POLQ: variants seen among roughly 807,000 people sequenced by gnomAD.
The protein encoded by POLQ is DNA polymerase theta, also known as epididymis secretory sperm binding protein.
A neutral mutation model predicts 259.2 loss-of-function variants in POLQ; 233 were observed. That is an observed-to-expected ratio of 0.90 (90% CI 0.81 to 1.00). The LOEUF (loss-of-function observed/expected upper bound fraction) is 1.00, where lower values mean the gene tolerates loss of function less well. POLQ is among the 50% of genes least tolerant of loss of function. The probability of loss-of-function intolerance (pLI) is 0.00; values close to 1 mark genes in which losing one functional copy is unlikely to be tolerated. For synonymous variants in POLQ, 1,025 were observed against 1,048.8 expected (o/e 0.98, Z 0.44); for missense variants, 2,871 against 3,051.6 (o/e 0.94, Z 1.39).
At position 121,545,778 on chromosome 3, in the gene POLQ, G is replaced by A. The variant is rs913615288; in HGVS notation, c.100C>T (p.Leu34Phe). The change falls in exon 1 of 30, where the codon CTC becomes TTC. Residue 34 changes from leucine (L) to phenylalanine (F), a missense_variant. Around this residue, in one of 3 missense-constraint regions of POLQ, gnomAD observed 783 missense variants for 906.2 expected, o/e 0.86. Transcript: ENST00000264233. Reference protein sequence around the residue: ...GGDSSASPQFLSGSVLSPPPG... With the variant: ...GGDSSASPQFFSGSVLSPPPG... ...GGCGGGCTCAGCACGGACCCGGAGA[G>A]GAACTGGGGGCTGGCACTGCTGTCA... 5.0e-6 allele frequency: 8 copies of A among 1,609,240 alleles called. No homozygotes were observed. The Admixed American group carries it at 5.0e-5, about 10-fold the overall frequency.
intron 19 of POLQ, among the ~76,000 whole-genome samples, chr3:121,480,464 A>T (rs2047961532): frequency 6.6e-6 from 1 of 152,102 alleles, no homozygotes; most frequent in South Asian, 2.1e-4. Flanking sequence ...TTAACACTGT[A>T]AAAAATGCAT....
At chr3:121,485,001 A>G in intron 17 of POLQ, 40 bp downstream of exon 17, 1 of 1,458,832 alleles carries the variant, frequency 6.9e-7, no homozygotes, top group South Asian at 1.3e-5. Context: ...TGGATGTTAC[A>G]GTAATTACAT....
intron 18 of POLQ, among the ~76,000 whole-genome samples, chr3:121,483,142 A>T (rs1019838976): frequency 3.9e-5 from 6 of 152,198 alleles, no homozygotes; most frequent in Non-Finnish European, 7.4e-5. Context: ...AAAATTTTTT[A>T]AAAATCTCTG....
intron 12 of POLQ, among the ~76,000 whole-genome samples, chr3:121,503,591 A>G (rs896189512): frequency 6.6e-6 from 1 of 152,170 alleles, no homozygotes; most frequent in African/African-American, 2.4e-5. Context: ...ATAGAACTCC[A>G]CCAAACCATA....
rs760061881 is a variant in POLQ, at chr3:121,487,592, A to G, written c.5339T>C (p.Ile1780Thr). The change falls in exon 16 of 30, where the codon ATT becomes ACT. Residue 1780 changes from isoleucine (I) to threonine (T), a missense_variant. Physicochemically the swap from Ile to Thr is moderately conservative, Grantham distance 89. This residue lies in a region of POLQ where 2,080 missense variants were observed against 2,126.0 expected (regional missense o/e 0.98). Coordinates refer to ENST00000264233, the MANE Select transcript of POLQ (RefSeq NM_199420.4). ...ESYLFGSPSDIKNHDLSPGSR... is the reference protein window; with the variant it reads ...ESYLFGSPSDTKNHDLSPGSR... ...CCCTGGACTTAAATCGTGGTTTTTA[A>G]TATCTGAAGGTGAGCCAAATAAATA... 11 of 1,613,946 alleles carry G rather than the reference A, an allele frequency of 6.8e-6. No individual in the cohort carries two copies. Among genetic ancestry groups the G allele is most frequent in the Non-Finnish European group, 8.5e-6 (10 of 1,179,990 alleles).
At chr3:121,443,633 T>C (rs1576398233) in intron 26 of POLQ, among the ~76,000 whole-genome samples, 1 of 152,338 alleles carries the variant, frequency 6.6e-6, no homozygotes, top group East Asian at 1.9e-4. Flanking sequence ...TTTGCTGTGG[T>C]TGCCTGCGCT....
intron 15 of POLQ, among the ~76,000 whole-genome samples, chr3:121,491,346 C>CAAAAAAAAAA (rs3045625): frequency 9.9e-4 from 77 of 77,974 alleles, no homozygotes; most frequent in African/African-American, 1.1e-3. Flanking sequence ...GAGACTGTCA[C>CAAAAAAAAAA]AAAAAAAAAA....
At chr3:121,462,291 G>C (rs1469437857) in intron 24 of POLQ, among the ~76,000 whole-genome samples, 1 of 152,104 alleles carries the variant, frequency 6.6e-6, no homozygotes, top group Non-Finnish European at 1.5e-5. Flanking sequence ...TCAGATGTTA[G>C]ACAACAAGCC....
chr3:121,481,384 T>G (rs2047968789), intron 19 of POLQ, among the ~76,000 whole-genome samples, 188 bp downstream of exon 19: 1 of 152,228 alleles, frequency 6.6e-6, no homozygotes, highest in Admixed American at 6.5e-5. Context: ...GAGTTGAGTA[T>G]TTGTGATAGA....
chr3:121,497,151 G>A (rs559068631), intron 13 of POLQ, among the ~76,000 whole-genome samples: 25 of 152,328 alleles, frequency 1.6e-4, no homozygotes, highest in African/African-American at 5.8e-4. Context: ...AAGAACTAAT[G>A]TCTGTATAAC....
In POLQ at chr3:121,533,080, T is replaced by C; in HGVS notation, c.870A>G (p.Val290=). ...CAACTTTTACTGACTCCAAAAGCGG[T>C]ACAGGGCGAAAGTCGGTATGGTAGA... The part of the protein sequence containing the change: ...AELYHTDFRP[V]PLLESVKVGN... The change falls in exon 6 of 30, where the codon GTA becomes GTG. Residue 290 remains valine (V), a synonymous_variant. Transcript: ENST00000264233. The C allele has an allele frequency of 6.2e-7, 1 of 1,614,004 alleles. No homozygotes were observed.
At position 121,469,621 on chromosome 3, in the gene POLQ, T is replaced by C. The variant is rs552425907; in HGVS notation, c.6719-1190A>G. On this transcript the variant is annotated intron_variant, in intron 22 of 29. Coordinates refer to ENST00000264233, the MANE Select transcript of POLQ (RefSeq NM_199420.4). ...AACAGCAGAGGAAGGCATCCAAGGC[T>C]CTTTTTACATCAACACATTGTCTTC... 5.9e-5 allele frequency among the ~76,000 whole-genome samples: 9 copies of C among 152,326 alleles called. No individual in the cohort carries two copies. The South Asian group carries it at 1.9e-3, about 32-fold the overall frequency.
intron 26 of POLQ, among the ~76,000 whole-genome samples, chr3:121,447,665 G>C (rs2047642863): frequency 6.6e-6 from 1 of 152,072 alleles, no homozygotes; most frequent in South Asian, 2.1e-4. Flanking sequence ...TAGGTTATTT[G>C]TTATTGCTCA....
At chr3:121,485,879 TCAGA>T (rs1297578978) in intron 16 of POLQ, among the ~76,000 whole-genome samples, 1 of 152,160 alleles carries the variant, frequency 6.6e-6, no homozygotes. Context: ...GAATTGAAAA[TCAGA>T]CAAATACTCA....
chr3:121,494,429 C>A lies in POLQ; in HGVS notation c.2279-708G>T, dbSNP rs931889489. 5 of 1,546,822 alleles carry A rather than the reference C, an allele frequency of 3.2e-6. No individual in the cohort carries two copies. The African/African-American group carries it at 6.8e-5, about 21-fold the overall frequency. ...CCACAAGTACAGACCAGAGTCAAGG[C>A]AAGAGAAGAAGCAGAGGCTGTTGGC... On this transcript the variant is annotated intron_variant, in intron 14 of 29. Coordinates refer to ENST00000264233, the MANE Select transcript of POLQ (RefSeq NM_199420.4).
chr3:121,544,587 T>C, intron 2 of POLQ, 140 bp downstream of exon 2: 1 of 570,814 alleles, frequency 1.8e-6, no homozygotes, highest in East Asian at 3.0e-5. Context: ...AAAACTCCAC[T>C]TTTCACACAT....
chr3:121,511,959 C>A lies in POLQ; in HGVS notation c.1539G>T (p.Lys513Asn), dbSNP rs563561418. Residue 513 changes from lysine to asparagine, a missense_variant, in exon 10 of 30, where the codon AAG becomes AAT. Lys to Asn is a moderately conservative substitution (Grantham distance 94, BLOSUM62 0). Coordinates refer to ENST00000264233, the MANE Select transcript of POLQ (RefSeq NM_199420.4). ...KGIALLQGSL[K>N]PVRSCLQRRE... ...GTCTTTGCAGACAGCTGCGAACAGG[C>A]TTTAGAGAACCCTGAAGGAGAGCTA... 366 of 1,613,470 alleles carry A rather than the reference C, an allele frequency of 2.3e-4. 5 individuals carry two copies. In the South Asian group the frequency reaches 3.8e-3, roughly 17 times the overall value.
At chr3:121,519,665 G>C (rs1303160788) in intron 9 of POLQ, among the ~76,000 whole-genome samples, 12 of 128,046 alleles carry the variant, frequency 9.4e-5, no homozygotes, top group Non-Finnish European at 1.4e-4. Flanking sequence ...GACAGAGCGA[G>C]ACTCCGTCTC....
intron 25 of POLQ, among the ~76,000 whole-genome samples, chr3:121,452,004 G>A (rs953993925): frequency 6.6e-6 from 1 of 151,106 alleles, no homozygotes; most frequent in Non-Finnish European, 1.5e-5. Context: ...CCCTCCCCCA[G>A]CCTTGCTGCT....
Sources: allele counts gnomAD v4.1 joint callset (sites outside exome capture counted in the v4.1 genomes callset), GRCh38; gene constraint gnomAD v4.1.1; regional missense constraint gnomAD v4.1.1; transcripts MANE v1.5; gene names NCBI Gene and HGNC (gene_info 2026-07-23, HGNC 2026-07-21).